Variants in TUSC3 observed in about 807,000 individuals in gnomAD.
The protein encoded by TUSC3 is dolichyl-diphosphooligosaccharide--protein glycosyltransferase subunit TUSC3.
A neutral mutation model predicts 44.8 loss-of-function variants in TUSC3; 45 were observed. The observed-to-expected ratio is 1.00, with a 90% confidence interval of 0.79 to 1.29. TUSC3 has a LOEUF of 1.29. Ranked by LOEUF, TUSC3 falls within the 50% of genes most tolerant of loss-of-function variation. TUSC3 has a pLI of 0.00. For missense variants in TUSC3, 519 were observed against 437.9 expected (o/e 1.19, Z -1.65); for synonymous variants, 212 against 152.9 (o/e 1.39, Z -2.85).
intron 10 of TUSC3, among the ~76,000 whole-genome samples, chr8:15,760,739 A>G (rs889468120): frequency 2.0e-5 from 3 of 152,328 alleles, no homozygotes; most frequent in South Asian, 4.1e-4. Context: ...GCAAAGACCC[A>G]TGGCCCACAA....
intron 1 of TUSC3, among the ~76,000 whole-genome samples, chr8:15,592,624 C>T (rs1256192171): frequency 1.3e-5 from 2 of 152,136 alleles, no homozygotes; most frequent in African/African-American, 2.4e-5. Context: ...CTTCCTGAGG[C>T]CTCATCAGAA....
At chr8:15,450,026 T>C (rs981226824) in intron 1 of TUSC3, among the ~76,000 whole-genome samples, 7 of 152,258 alleles carry the variant, frequency 4.6e-5, no homozygotes, top group Non-Finnish European at 8.8e-5. Flanking sequence ...CTAAGTTCCC[T>C]CTGTGATCTT....
chr8:15,488,275 T>G, intron 2 of TUSC3, among the ~76,000 whole-genome samples: 1 of 151,910 alleles, frequency 6.6e-6, no homozygotes, highest in South Asian at 2.1e-4. Context: ...GGAATCCAAA[T>G]TGCTTGAGCT....
At chr8:15,551,715 C>G (rs1009706913) in intron 1 of TUSC3, among the ~76,000 whole-genome samples, 15 of 151,804 alleles carry the variant, frequency 9.9e-5, no homozygotes, top group African/African-American at 3.6e-4. Context: ...GTCATTACTG[C>G]CGGTCTCTTG....
At chr8:15,629,553 GTTT>G (rs71211066) in intron 2 of TUSC3, among the ~76,000 whole-genome samples, 4 of 129,042 alleles carry the variant, frequency 3.1e-5, no homozygotes, top group Non-Finnish European at 4.9e-5. Flanking sequence ...CGGCCATCTT[GTTT>G]TTTTTTTTTT....
At chr8:15,845,778 G>T in the TUSC3 span, among the ~76,000 whole-genome samples, 3 of 152,144 alleles carry the variant, frequency 2.0e-5, no homozygotes, top group African/African-American at 7.2e-5. Flanking sequence ...CTATAGCTAC[G>T]TGTATGTTCA....
chr8:15,712,290 T>C (rs1809886283), intron 6 of TUSC3, among the ~76,000 whole-genome samples: 1 of 152,036 alleles, frequency 6.6e-6, no homozygotes, highest in South Asian at 2.1e-4. Flanking sequence ...ATGCTGTTGA[T>C]TCTTTTAGCA....
downstream of TUSC3, among the ~76,000 whole-genome samples, chr8:15,767,128 G>A (rs576341861): frequency 1.3e-5 from 2 of 152,038 alleles, no homozygotes; most frequent in African/African-American, 4.8e-5. Context: ...ACACTCAAAG[G>A]GTACAAGTAT....
Position 15,764,752 on chromosome 8 carries a change from A to C in TUSC3, c.*596A>C, listed in dbSNP as rs537070322. 1 of 152,878 alleles carries C rather than the reference A, an allele frequency of 6.5e-6. No individual in the cohort carries two copies. The highest frequency in any genetic ancestry group is 1.5e-5 in the Non-Finnish European group (1 of 68,548). 9.5% of individuals were successfully genotyped at this position (152,878 alleles called of 1,614,324 possible). ...AATGGTACCTACAATTTGGATGCCT[A>C]ACCAAGGACTAGAGCTCCTTCTTGA... On this transcript the variant is annotated 3_prime_UTR_variant, in exon 11 of 11. Coordinates refer to ENST00000503731, the MANE Select transcript of TUSC3 (RefSeq NM_006765.4).
chr8:15,518,630 T>C (rs1326179612), intron 2 of TUSC3, among the ~76,000 whole-genome samples: 1 of 152,202 alleles, frequency 6.6e-6, no homozygotes, highest in African/African-American at 2.4e-5. Flanking sequence ...AGACATTAAA[T>C]GAACTGCATA....
chr8:15,547,407 G>A (rs1801906348), intron 1 of TUSC3, among the ~76,000 whole-genome samples: 1 of 151,588 alleles, frequency 6.6e-6, no homozygotes, highest in Non-Finnish European at 1.5e-5. Context: ...AAAACTAAAG[G>A]TCATAAATTG....
At chr8:15,534,348 A>G (rs1171739857) in intron 2 of TUSC3, among the ~76,000 whole-genome samples, 1 of 152,160 alleles carries the variant, frequency 6.6e-6, no homozygotes, top group Non-Finnish European at 1.5e-5. Flanking sequence ...AATATCTGAT[A>G]AAAACTTTAG....
chr8:15,430,477 C>A (rs1002833475), intron 1 of TUSC3, among the ~76,000 whole-genome samples: 1 of 150,382 alleles, frequency 6.6e-6, no homozygotes, highest in African/African-American at 2.5e-5. Context: ...TGGGATGTAT[C>A]TCAAAATAAT....
chr8:15,561,849 C>T (rs80150930), intron 1 of TUSC3, among the ~76,000 whole-genome samples: 14 of 152,226 alleles, frequency 9.2e-5, no homozygotes, highest in African/African-American at 1.4e-4. Flanking sequence ...GGCAATGCCT[C>T]GCCCTGTTTC....
chr8:15,700,206 C>A lies in TUSC3; in HGVS notation c.798+26370C>A, dbSNP rs182790850. 4.5e-3 allele frequency among the ~76,000 whole-genome samples: 692 copies of A among 152,268 alleles called. 5 individuals carry two copies. The highest frequency in any genetic ancestry group is 0.016 in the African/African-American group (666 of 41,560). On this transcript the variant is annotated intron_variant, in intron 6 of 10. Transcript: ENST00000503731. ...TGCACTGACTCAGAAAAAAGTTTATCATGCTTTTCCACCAGACAGACTCAC... is the reference window on the plus strand; with the variant it reads ...TGCACTGACTCAGAAAAAAGTTTATAATGCTTTTCCACCAGACAGACTCAC...
At chr8:15,806,991 C>A in the TUSC3 span, 5 of 1,461,886 alleles carry the variant, frequency 3.4e-6, no homozygotes, top group Non-Finnish European at 4.8e-6. Context: ...TGATTCCATT[C>A]TTTACATTTT....
At chr8:15,502,902 C>T (rs185678732) in intron 2 of TUSC3, among the ~76,000 whole-genome samples, 3 of 152,332 alleles carry the variant, frequency 2.0e-5, no homozygotes, top group East Asian at 1.9e-4. Context: ...TTACTCCTTA[C>T]ATGTTTGACG....
intron 1 of TUSC3, among the ~76,000 whole-genome samples, chr8:15,558,757 T>G (rs1273927098): frequency 7.8e-6 from 1 of 128,844 alleles, no homozygotes; most frequent in Non-Finnish European, 1.7e-5. Flanking sequence ...GTCGAGGAAT[T>G]TATCCATTTC....
chr8:15,555,867 T>G lies in TUSC3; in HGVS notation c.138+15299T>G, dbSNP rs146299007. Among the ~76,000 whole-genome samples the G allele has an allele frequency of 2.2e-4, 34 of 151,688 alleles. 2 individuals carry two copies. The East Asian group carries it at 3.1e-3, about 14-fold the overall frequency. ...TTCAGCTGTGGGTCATTTTATGAAA[T>G]ATAAGCCAATGTTGATTTATAATAA... On this transcript the variant is annotated intron_variant, in intron 1 of 10. Transcript: ENST00000503731.
Sources: gnomAD v4.1 joint callset for allele counts (sites outside exome capture counted in the v4.1 genomes callset) on GRCh38, gnomAD v4.1.1 for gene constraint, MANE v1.5 for transcripts, NCBI Gene and HGNC (gene_info 2026-07-23, HGNC 2026-07-21) for gene names.